Variants in ZPLD1 observed in about 807,000 individuals in gnomAD.
ZPLD1 encodes zona pellucida-like domain-containing protein 1.
Under a neutral mutation model 47.2 loss-of-function variants are expected in ZPLD1, and 34 were observed. The ratio of observed to expected loss-of-function variants is 0.72; its 90% CI spans 0.55 to 0.96. ZPLD1 has a LOEUF of 0.96. Among genes scored for constraint, ZPLD1 ranks in the 40% least tolerant of loss-of-function variants. The pLI is 0.00. For synonymous variants in ZPLD1, 176 were observed against 186.2 expected (o/e 0.95, Z 0.45); for missense variants, 512 against 505.8 (o/e 1.01, Z -0.12).
rs747859091 is a variant in ZPLD1, at chr3:102,453,063, A to G, written c.251A>G (p.Asn84Ser). Residue 84 changes from asparagine to serine, a missense_variant, in exon 4 of 12, where the codon AAT becomes AGT. Physicochemically the swap from Asn to Ser is conservative, Grantham distance 46. Coordinates refer to ENST00000466937, the MANE Select transcript of ZPLD1 (RefSeq NM_001329788.2). The stretch of plus-strand genomic sequence containing the variant: ...GACTCCCACTGCAGAGGGTTCATCA[A>G]TAACAACACCTTTCCAGCAGTGGTC... ...HGDSHCRGFINNNTFPAVVIF... is the reference protein window; with the variant it reads ...HGDSHCRGFISNNTFPAVVIF... The G allele has an allele frequency of 1.5e-5, 24 of 1,614,012 alleles. No homozygotes were observed. The highest frequency in any genetic ancestry group is 2.2e-5 in the South Asian group (2 of 91,090).
intron 5 of ZPLD1, 116 bp from the exon 6 acceptor site, chr3:102,457,665 A>G: frequency 1.1e-6 from 1 of 877,390 alleles, no homozygotes; most frequent in Non-Finnish European, 1.8e-6. Context: ...AACTCCAGGT[A>G]TAATTAACAG....
At chr3:102,404,348 G>A (rs1706657142) in intron 7 of ZPLD1, among the ~76,000 whole-genome samples, 2 of 151,870 alleles carry the variant, frequency 1.3e-5, no homozygotes, top group Admixed American at 6.6e-5. Context: ...AAGTTGTCCC[G>A]CTGATTTATT....
intron 7 of ZPLD1, among the ~76,000 whole-genome samples, chr3:102,400,167 T>A (rs1229276122): frequency 6.6e-6 from 1 of 152,048 alleles, no homozygotes; most frequent in Non-Finnish European, 1.5e-5. Context: ...TTTTTAGTCC[T>A]TTTAGTCCAA....
chr3:102,466,362 T>C (rs1421355219), intron 8 of ZPLD1, among the ~76,000 whole-genome samples: 1 of 152,206 alleles, frequency 6.6e-6, no homozygotes. Flanking sequence ...TCCAACTCTT[T>C]CAAACTTGAA....
chr3:102,426,177 C>A (rs115553172), intron 8 of ZPLD1, among the ~76,000 whole-genome samples: 9,446 of 151,360 alleles, frequency 0.062, 418 homozygotes, highest in African/African-American at 0.12. Context: ...CACACACGAA[C>A]ATTTTTTAAA....
intron 8 of ZPLD1, among the ~76,000 whole-genome samples, chr3:102,424,135 G>T (rs1247334303): frequency 2.6e-5 from 4 of 152,088 alleles, no homozygotes; most frequent in Non-Finnish European, 5.9e-5. Flanking sequence ...GGAAACGATG[G>T]CTCAGTCTTT....
At chr3:102,474,012 G>A (rs1442404913) in intron 10 of ZPLD1, among the ~76,000 whole-genome samples, 1 of 152,102 alleles carries the variant, frequency 6.6e-6, no homozygotes, top group African/African-American at 2.4e-5. Flanking sequence ...TCTAGCTTAG[G>A]TAGAGTTCAG....
At chr3:102,418,050 T>C (rs927853012) in intron 7 of ZPLD1, 3 of 152,320 alleles carry the variant, frequency 2.0e-5, no homozygotes, top group South Asian at 2.1e-4. Context: ...TCTTTCTTTT[T>C]TTTTTAAAGA....
At chr3:102,438,857 G>A (rs1361141255) in intron 3 of ZPLD1, among the ~76,000 whole-genome samples, 1 of 151,944 alleles carries the variant, frequency 6.6e-6, no homozygotes, top group Non-Finnish European at 1.5e-5. Context: ...AATTGGGAGA[G>A]ACTAATTTCA....
rs560393742 is a variant in ZPLD1, at chr3:102,421,064, C to A, written c.-9+2857C>A. The stretch of plus-strand genomic sequence containing the variant: ...CTCTATAAAATGAGATTAACTTGAA[C>A]CTTTCACTAACATTGTAAGTTCTTG... On this transcript the variant is annotated intron_variant, in intron 8 of 17. Coordinates refer to the ZPLD1 transcript ENST00000491959. Among the ~76,000 whole-genome samples, 11 of 151,928 alleles carry A rather than the reference C, an allele frequency of 7.2e-5. No homozygotes were observed. In the South Asian group the frequency reaches 1.2e-3, roughly 17 times the overall value.
In ZPLD1 at chr3:102,477,486, C is replaced by T. The variant is rs1218531694; in HGVS notation, c.1116C>T (p.Ser372=). 9 of 1,613,734 alleles carry T rather than the reference C, an allele frequency of 5.6e-6. No homozygotes were observed. The highest frequency in any genetic ancestry group is 1.7e-4 in the Middle Eastern group (1 of 6,060). The stretch of plus-strand genomic sequence containing the variant: ...CCTTCCAGCTGAACGCCATCACCAG[C>T]GCACTGATATCAGGAATGGTCATTC... ...MPPFQLNAIT[S]ALISGMVILG... Residue 372 remains serine (S), a synonymous_variant, in exon 12 of 12, where the codon AGC becomes AGT. Coordinates refer to ENST00000466937, the MANE Select transcript of ZPLD1 (RefSeq NM_001329788.2).
chr3:102,439,390 C>A lies in ZPLD1; in HGVS notation c.106+797C>A, dbSNP rs968143670. On this transcript the variant is annotated intron_variant, in intron 3 of 11. Coordinates refer to ENST00000466937, the MANE Select transcript of ZPLD1 (RefSeq NM_001329788.2). ...AGTAGGTAGTTACATAGATAAAGTG[C>A]GATTTCTACAACAGAGCCCACATCA... Among the ~76,000 whole-genome samples, 4 of 152,114 alleles carry A rather than the reference C, an allele frequency of 2.6e-5. No individual in the cohort carries two copies. In the East Asian group the frequency reaches 7.7e-4, roughly 29 times the overall value.
At chr3:102,431,559 C>T (rs1021923031), upstream of ZPLD1, among the ~76,000 whole-genome samples, 3 of 152,094 alleles carry the variant, frequency 2.0e-5, no homozygotes, top group Non-Finnish European at 2.9e-5. Context: ...AGTCTAGACA[C>T]CCCATCAGAG....
intron 6 of ZPLD1, among the ~76,000 whole-genome samples, chr3:102,391,698 A>T (rs560576836): frequency 3.3e-5 from 5 of 152,214 alleles, no homozygotes; most frequent in African/African-American, 1.2e-4. Flanking sequence ...CTATTTTATG[A>T]TGCAGCAGTC....
In ZPLD1 at chr3:102,426,831, GT is replaced by G. The variant is rs1706954436; in HGVS notation, c.-9+8628del. 2.0e-5 allele frequency among the ~76,000 whole-genome samples: 3 copies of G among 152,262 alleles called. No individual in the cohort carries two copies. In the South Asian group the frequency reaches 6.2e-4, roughly 32 times the overall value. ...AAAAGTATCATATTTTGTGGATGTAGTTTTATTGTTCACAAGCAGCTAAGCT... is the reference window on the plus strand; with the variant it reads ...AAAAGTATCATATTTTGTGGATGTAGTTTATTGTTCACAAGCAGCTAAGCT... On this transcript the variant is annotated intron_variant, in intron 8 of 17. Coordinates refer to the ZPLD1 transcript ENST00000491959.
At chr3:102,477,199 T>C (rs1707771179) in intron 11 of ZPLD1, among the ~76,000 whole-genome samples, 158 bp downstream of exon 11, 1 of 152,152 alleles carries the variant, frequency 6.6e-6, no homozygotes, top group Non-Finnish European at 1.5e-5. Flanking sequence ...GATCTATTGG[T>C]CAATTTTTAT....
At chr3:102,410,339 T>G (rs1330763348) in intron 7 of ZPLD1, among the ~76,000 whole-genome samples, 1 of 151,790 alleles carries the variant, frequency 6.6e-6, no homozygotes, top group Admixed American at 6.6e-5. Flanking sequence ...GGCAAACACA[T>G]GCATTACTTT....
chr3:102,416,461 A>C (rs1706805751), intron 7 of ZPLD1, among the ~76,000 whole-genome samples: 1 of 151,896 alleles, frequency 6.6e-6, no homozygotes, highest in Non-Finnish European at 1.5e-5. Flanking sequence ...GACATGATGG[A>C]TATGCGTTCA....
intron 8 of ZPLD1, among the ~76,000 whole-genome samples, chr3:102,429,427 A>AG (rs950167497): frequency 2.0e-5 from 3 of 152,144 alleles, no homozygotes; most frequent in Non-Finnish European, 4.4e-5. Flanking sequence ...TTATCTGACG[A>AG]GGGGGAATTT....
Sources: gnomAD v4.1 joint callset for allele counts (sites outside exome capture counted in the v4.1 genomes callset) on GRCh38, gnomAD v4.1.1 for gene constraint, MANE v1.5 for transcripts, NCBI Gene and HGNC (gene_info 2026-07-23, HGNC 2026-07-21) for gene names.